GRIN2A: variants seen among roughly 807,000 people sequenced by gnomAD.
GRIN2A encodes the protein glutamate ionotropic receptor NMDA type subunit 2A.
A neutral mutation model predicts 113.4 loss-of-function variants in GRIN2A; 22 were observed. The observed-to-expected ratio is 0.19, with a 90% CI of 0.14 to 0.28. The LOEUF (loss-of-function observed/expected upper bound fraction) is 0.28, where lower values mean the gene tolerates loss of function less well. Ranked by LOEUF, GRIN2A falls within the 10% of genes least tolerant of loss-of-function variation. The pLI, the probability that GRIN2A is intolerant of heterozygous loss-of-function variation, is 1.00. For missense variants in GRIN2A, 1,502 were observed against 1,887.0 expected (o/e 0.80, Z 3.78); for synonymous variants, 827 against 738.4 (o/e 1.12, Z -1.94).
chr16:9,990,341 G>A (rs1341824329), intron 2 of GRIN2A, among the ~76,000 whole-genome samples: 2 of 152,008 alleles, frequency 1.3e-5, no homozygotes, highest in Admixed American at 6.5e-5. Flanking sequence ...GGGTGCTCAT[G>A]GACATAAAGA....
At chr16:9,854,992 TTGTGTGTG>T (rs3831730) in intron 4 of GRIN2A, among the ~76,000 whole-genome samples, 67 of 147,652 alleles carry the variant, frequency 4.5e-4, no homozygotes, top group African/African-American at 5.2e-4. Flanking sequence ...GCAAGCACGC[TTGTGTGTG>T]TGTGTGTGTG....
At chr16:9,960,229 T>C (rs140689563) in intron 2 of GRIN2A, among the ~76,000 whole-genome samples, 5 of 152,224 alleles carry the variant, frequency 3.3e-5, no homozygotes, top group Admixed American at 6.5e-5. Context: ...ATGAACTAGA[T>C]TGCAGACACA....
Position 9,760,931 on chromosome 16 carries a change from G to C in GRIN2A, c.*2218C>G, listed in dbSNP as rs1483085118. The C allele has an allele frequency of 2.2e-5, 5 of 232,422 alleles. No individual in the cohort carries two copies. In the East Asian group the frequency reaches 3.0e-4, roughly 14 times the overall value. The allele number at this position is 232,422 out of a possible 1,614,324, so 14.4% of individuals were successfully genotyped here. A position where few individuals can be genotyped will look rare whatever the true frequency, so the allele number is the denominator to read the frequency against. On this transcript the variant is annotated 3_prime_UTR_variant, in exon 13 of 13. Transcript: ENST00000330684. Reference sequence around the variant, plus strand: ...ACACAGTCATGGAGATTCAGATTTAGGATCAGATGTTGGGGTGACTATTCT... The same window carrying C: ...ACACAGTCATGGAGATTCAGATTTACGATCAGATGTTGGGGTGACTATTCT...
chr16:10,173,681 A>G (rs2050088667), intron 2 of GRIN2A, among the ~76,000 whole-genome samples: 1 of 152,240 alleles, frequency 6.6e-6, no homozygotes, highest in Non-Finnish European at 1.5e-5. Context: ...GGATGCCCCT[A>G]TGGAGCACAA....
chr16:10,092,161 G>C (rs2048195148), intron 2 of GRIN2A, among the ~76,000 whole-genome samples: 1 of 152,170 alleles, frequency 6.6e-6, no homozygotes, highest in Non-Finnish European at 1.5e-5. Context: ...GAGTCTTTGG[G>C]ATTGGAATGG....
At chr16:10,151,981 T>A (rs1443953882) in intron 2 of GRIN2A, among the ~76,000 whole-genome samples, 1 of 152,226 alleles carries the variant, frequency 6.6e-6, no homozygotes, top group African/African-American at 2.4e-5. Flanking sequence ...AACCTTCTGC[T>A]GACTTAGCAC....
chr16:10,017,659 G>C (rs2046635903), intron 2 of GRIN2A, among the ~76,000 whole-genome samples: 1 of 152,146 alleles, frequency 6.6e-6, no homozygotes, highest in Non-Finnish European at 1.5e-5. Flanking sequence ...GACACTGTGA[G>C]TACTCAGTAT....
chr16:9,845,761 T>C (rs750807927), intron 5 of GRIN2A, among the ~76,000 whole-genome samples: 8 of 152,208 alleles, frequency 5.3e-5, no homozygotes, highest in Admixed American at 2.0e-4. Context: ...TTAAATCTTA[T>C]CTGTGTGAGC....
At chr16:10,157,489 A>G (rs1461035002) in intron 2 of GRIN2A, among the ~76,000 whole-genome samples, 3 of 152,228 alleles carry the variant, frequency 2.0e-5, no homozygotes, top group African/African-American at 7.2e-5. Context: ...GGTAATTTAT[A>G]GAGGAAGAGG....
At chr16:10,176,456 A>G (rs569933361) in intron 2 of GRIN2A, among the ~76,000 whole-genome samples, 7 of 152,258 alleles carry the variant, frequency 4.6e-5, no homozygotes, top group African/African-American at 1.4e-4. Context: ...ATTTTCTTCA[A>G]TGGTCAAGTA....
intron 2 of GRIN2A, among the ~76,000 whole-genome samples, chr16:10,132,833 G>A (rs1288226909): frequency 6.6e-6 from 1 of 152,206 alleles, no homozygotes; most frequent in East Asian, 1.9e-4. Flanking sequence ...AAAGTTAGTG[G>A]CTTAGAGTGA....
intron 2 of GRIN2A, among the ~76,000 whole-genome samples, chr16:10,105,613 T>C (rs568734380): frequency 6.6e-6 from 1 of 152,294 alleles, no homozygotes; most frequent in African/African-American, 2.4e-5. Context: ...TATGAAATTC[T>C]AAATAAGGCT....
intron 2 of GRIN2A, among the ~76,000 whole-genome samples, chr16:10,155,185 G>A (rs998430647): frequency 5.3e-5 from 8 of 152,220 alleles, no homozygotes; most frequent in African/African-American, 1.9e-4. Context: ...GGAGAGAACT[G>A]AGTTGAAGCT....
intron 4 of GRIN2A, among the ~76,000 whole-genome samples, chr16:9,883,722 G>A (rs1400800009): frequency 6.6e-6 from 1 of 152,228 alleles, no homozygotes; most frequent in Non-Finnish European, 1.5e-5. Flanking sequence ...GGTCAGCCAC[G>A]TGTGGTGCTG....
At chr16:9,772,502 G>GT (rs1901334160) in intron 11 of GRIN2A, among the ~76,000 whole-genome samples, 2 of 152,160 alleles carry the variant, frequency 1.3e-5, no homozygotes, top group Admixed American at 1.3e-4. Context: ...CTCCGAAGTA[G>GT]TTGGGACGAC....
intron 2 of GRIN2A, among the ~76,000 whole-genome samples, chr16:10,002,845 T>C (rs1221646389): frequency 6.6e-6 from 1 of 152,198 alleles, no homozygotes; most frequent in East Asian, 1.9e-4. Context: ...GTAGGACACA[T>C]TTGTGAACGA....
intron 2 of GRIN2A, among the ~76,000 whole-genome samples, chr16:10,092,256 G>T (rs115502855): frequency 7.5e-4 from 114 of 152,278 alleles, no homozygotes; most frequent in African/African-American, 2.6e-3. Flanking sequence ...ATAATTACAT[G>T]CACATACTTT....
intron 2 of GRIN2A, among the ~76,000 whole-genome samples, chr16:9,982,410 G>T (rs1302232940): frequency 2.0e-5 from 3 of 152,178 alleles, no homozygotes; most frequent in African/African-American, 7.2e-5. Flanking sequence ...GCAATGTAGG[G>T]ATATTCCAAT....
chr16:9,829,648 G>A lies in GRIN2A; in HGVS notation c.1782C>T (p.Pro594=), dbSNP rs531126497. ...TTCCAATTGTAAAAGAAGGCCCATG[G>A]GGTGCTGCAGAAGATGAAAAGGACA... ...YNRNLAKGKA[P]HGPSFTIGKA... is the part of the protein sequence containing the mutation. Residue 594 remains proline, a synonymous_variant, in exon 9 of 13, where the codon CCC becomes CCT. Coordinates refer to ENST00000330684, the MANE Select transcript of GRIN2A (RefSeq NM_001134407.3). The A allele has an allele frequency of 9.9e-6, 16 of 1,608,944 alleles. No homozygotes were observed. The South Asian group carries it at 1.6e-4, about 17-fold the overall frequency.
Sources: gnomAD v4.1 joint callset for allele counts (sites outside exome capture counted in the v4.1 genomes callset) on GRCh38, gnomAD v4.1.1 for gene constraint, MANE v1.5 for transcripts, NCBI Gene and HGNC (gene_info 2026-07-23, HGNC 2026-07-21) for gene names.